Variants in PCDHGA5 observed in about 807,000 individuals in gnomAD.
PCDHGA5 encodes the protein protocadherin gamma-A5.
Under a neutral mutation model 56.7 loss-of-function variants are expected in PCDHGA5, and 36 were observed. That is an observed-to-expected ratio of 0.64 (90% confidence interval 0.49 to 0.84). The LOEUF (loss-of-function observed/expected upper bound fraction) is 0.84. Among genes scored for constraint, PCDHGA5 ranks in the 40% least tolerant of loss-of-function variants. PCDHGA5 has a pLI of 0.00. For synonymous variants in PCDHGA5, 563 were observed against 520.2 expected, an observed-to-expected ratio of 1.08 and a Z score of -1.12; for missense variants, 1,305 against 1,201.5, an observed-to-expected ratio of 1.09 and a Z score of -1.27.
In PCDHGA5 at chr5:141,476,877, T is replaced by C. The variant is rs2099400648; in HGVS notation, c.2422-17930T>C. ...CAGTCCTTGTACCGGGCGCGCGTCC[T>C]GGAGGATGCACCCTCCGGCACGCGC... On this transcript the variant is annotated intron_variant, in intron 1 of 3. Transcript: ENST00000518069. This position sits in a 1 kb window ranked among gnomAD's most constrained non-coding sequence, Gnocchi z 7.6. 4.3e-6 allele frequency: 7 copies of C among 1,613,954 alleles called. No homozygotes were observed. The highest frequency in any genetic ancestry group is 5.9e-6 in the Non-Finnish European group (7 of 1,180,038).
chr5:141,464,266 AAAAAAAAAAAAGC>A (rs2099079689), intron 1 of PCDHGA5, among the ~76,000 whole-genome samples: 2 of 138,926 alleles, frequency 1.4e-5, no homozygotes, highest in Admixed American at 1.4e-4. Flanking sequence ...CTCCGTCTAA[AAAAAAAAAAAAGC>A]AAAAAAAAAA....
At chr5:141,450,676 G>A (rs1174388119) in intron 1 of PCDHGA5, among the ~76,000 whole-genome samples, 5 of 151,796 alleles carry the variant, frequency 3.3e-5, no homozygotes, top group African/African-American at 7.3e-5. Flanking sequence ...TAGTAGAAAC[G>A]GGGTTTTGCC....
At chr5:141,488,198 GGACTC>G in intron 1 of PCDHGA5, among the ~76,000 whole-genome samples, 1 of 152,166 alleles carries the variant, frequency 6.6e-6, no homozygotes, top group Non-Finnish European at 1.5e-5. Context: ...CTGGGTCTTA[GGACTC>G]ATATCAAGTC....
At chr5:141,502,866 C>CTTT (rs549047197) in intron 2 of PCDHGA5, among the ~76,000 whole-genome samples, 3 of 128,046 alleles carry the variant, frequency 2.3e-5, no homozygotes, top group African/African-American at 9.3e-5. Context: ...GACTCTCTGT[C>CTTT]TTTTTTTTTT....
At chr5:141,404,897 C>A in intron 1 of PCDHGA5, 1 of 1,613,920 alleles carries the variant, frequency 6.2e-7, no homozygotes, top group African/African-American at 1.3e-5. Context: ...TGTACAGGAC[C>A]ATGGCCAGCC....
At chr5:141,498,803 C>T (rs916966107) in intron 2 of PCDHGA5, among the ~76,000 whole-genome samples, 5 of 151,982 alleles carry the variant, frequency 3.3e-5, no homozygotes, top group African/African-American at 1.2e-4. Flanking sequence ...TGTGGTGGTG[C>T]ACACCTGTAG....
In PCDHGA5 at chr5:141,487,241, A is replaced by G. The variant is rs753291480; in HGVS notation, c.2422-7566A>G. ...TCCAAGGGAAGGAGAATCTCGTCTA[A>G]CCCTCTACTTGGCTGTGTCCCTAGT... On this transcript the variant is annotated intron_variant, in intron 1 of 3. Transcript: ENST00000518069. The surrounding 1 kb of genome is among the most constrained non-coding windows in gnomAD (Gnocchi z 5.0). 2 of 1,613,876 alleles carry G rather than the reference A, an allele frequency of 1.2e-6. No homozygotes were observed. The highest frequency in any genetic ancestry group is 3.3e-5 in the Admixed American group (2 of 59,988).
intron 1 of PCDHGA5, chr5:141,404,997 C>T: frequency 6.2e-7 from 1 of 1,614,034 alleles, no homozygotes; most frequent in East Asian, 2.2e-5. Flanking sequence ...CAGATCCCTG[C>T]AGACCTGGAG....
At chr5:141,421,435 A>G (rs775839500) in intron 1 of PCDHGA5, 3 of 1,614,108 alleles carry the variant, frequency 1.9e-6, no homozygotes, top group East Asian at 4.5e-5. Context: ...CATCGTCTCC[A>G]GAGGGAAGAC....
In PCDHGA5 at chr5:141,512,009, CAAGTT is replaced by C. The variant is rs1409890580; in HGVS notation, c.*838_*842del. On this transcript the variant is annotated 3_prime_UTR_variant, in exon 4 of 4. Transcript: ENST00000518069. ...GGGGCATGGACAAAGCTTGACACATCAAGTTATCAAGGCCTTGGAGGAGGCTCTGT... is the reference window on the plus strand; with the variant it reads ...GGGGCATGGACAAAGCTTGACACATCATCAAGGCCTTGGAGGAGGCTCTGT... 1 of 153,074 alleles carries C rather than the reference CAAGTT, an allele frequency of 6.5e-6. No individual in the cohort carries two copies. The highest frequency in any genetic ancestry group is 1.9e-4 in the East Asian group (1 of 5,182). 9.5% of individuals were successfully genotyped at this position (153,074 alleles called of 1,614,324 possible).
At chr5:141,412,509 A>G (rs1452202369) in intron 1 of PCDHGA5, 2 of 152,208 alleles carry the variant, frequency 1.3e-5, no homozygotes, top group Admixed American at 1.3e-4. Flanking sequence ...AATAAGTTTA[A>G]TGAATTAAGT....
chr5:141,424,100 G>A (rs1362239131), intron 1 of PCDHGA5: 1 of 832,456 alleles, frequency 1.2e-6, no homozygotes, highest in East Asian at 1.2e-4. Flanking sequence ...TGCTATTACT[G>A]CTAATGTTCA....
At chr5:141,447,244 A>G (rs1475037979) in intron 1 of PCDHGA5, among the ~76,000 whole-genome samples, 1 of 152,062 alleles carries the variant, frequency 6.6e-6, no homozygotes, top group South Asian at 2.1e-4. Flanking sequence ...GGTTCAAGTG[A>G]TTCTTCTGTC....
chr5:141,466,195 C>G (rs1269214888), intron 1 of PCDHGA5, among the ~76,000 whole-genome samples: 1 of 151,748 alleles, frequency 6.6e-6, no homozygotes, highest in Non-Finnish European at 1.5e-5. Flanking sequence ...TTTTCAGACA[C>G]AGCCTTGCTC....
intron 1 of PCDHGA5, chr5:141,389,923 C>T: frequency 6.2e-7 from 1 of 1,614,076 alleles, no homozygotes; most frequent in Non-Finnish European, 8.5e-7. Context: ...CCCGACCCCT[C>T]TGACCTCCAG....
chr5:141,434,194 G>A (rs913533813), intron 1 of PCDHGA5, among the ~76,000 whole-genome samples: 7 of 152,190 alleles, frequency 4.6e-5, no homozygotes, highest in African/African-American at 4.8e-5. Flanking sequence ...TAATTCCAAT[G>A]TACTTACTTC....
At chr5:141,429,845 T>C (rs888160645) in intron 1 of PCDHGA5, among the ~76,000 whole-genome samples, 4 of 152,222 alleles carry the variant, frequency 2.6e-5, no homozygotes, top group Non-Finnish European at 1.5e-5. Context: ...GGTAAGTCTG[T>C]AACATTCTTT....
At chr5:141,436,211 C>T (rs12108692) in intron 1 of PCDHGA5, among the ~76,000 whole-genome samples, 2,997 of 152,100 alleles carry the variant, frequency 0.02, 43 homozygotes, top group African/African-American at 0.029. Flanking sequence ...AATAGGAAAA[C>T]AAATGACTTG....
At chr5:141,396,656 G>A (rs6580187) in intron 1 of PCDHGA5, 27,943 of 151,880 alleles carry the variant, frequency 0.18, 3,100 homozygotes, top group African/African-American at 0.31. Flanking sequence ...GTAAAAACTC[G>A]GTATAGGCTA....
Sources: allele counts gnomAD v4.1 joint callset (sites outside exome capture counted in the v4.1 genomes callset), GRCh38; gene constraint gnomAD v4.1.1; non-coding constraint Gnocchi (gnomAD v3.1); transcripts MANE v1.5; gene names NCBI Gene and HGNC (gene_info 2026-07-23, HGNC 2026-07-21).